SORCS1: variants seen among roughly 807,000 people sequenced by gnomAD.
SORCS1 encodes the protein sortilin related VPS10 domain containing receptor 1, also known as VPS10 domain-containing receptor SorCS1.
In SORCS1, 60 loss-of-function variants were observed where a neutral mutation model predicts 146.1. The observed-to-expected ratio is 0.41, with a 90% CI of 0.33 to 0.51. SORCS1 has a LOEUF of 0.51. Among genes scored for constraint, SORCS1 ranks in the 20% least tolerant of loss-of-function variants. The pLI, the probability that SORCS1 is intolerant of heterozygous loss-of-function variation, is 0.21. For synonymous variants in SORCS1, 637 were observed against 584.0 expected, an observed-to-expected ratio of 1.09 and a Z score of -1.31; for missense variants, 1,352 against 1,487.6, an observed-to-expected ratio of 0.91 and a Z score of 1.50.
At chr10:106,764,980 G>A (rs572354812) in intron 4 of SORCS1, among the ~76,000 whole-genome samples, 21 of 136,232 alleles carry the variant, frequency 1.5e-4, no homozygotes, top group Admixed American at 2.5e-4. Flanking sequence ...CCGAGATCGC[G>A]CCACTGCACT....
At chr10:106,935,862 T>C (rs931103840) in intron 2 of SORCS1, among the ~76,000 whole-genome samples, 2 of 152,226 alleles carry the variant, frequency 1.3e-5, no homozygotes, top group Non-Finnish European at 2.9e-5. Context: ...TTGATTGTCT[T>C]TGCAAAAGTT....
intron 1 of SORCS1, among the ~76,000 whole-genome samples, chr10:107,093,598 G>A (rs534681709): frequency 3.3e-5 from 5 of 151,956 alleles, no homozygotes; most frequent in East Asian, 1.9e-4. Flanking sequence ...GCTTGAACCC[G>A]GGACAAGGAG....
intron 18 of SORCS1, among the ~76,000 whole-genome samples, chr10:106,647,623 T>G (rs1849546215): frequency 6.6e-6 from 1 of 152,226 alleles, no homozygotes; most frequent in Admixed American, 6.5e-5. Context: ...GAACAGTTTT[T>G]CAATGGTATT....
intron 23 of SORCS1, among the ~76,000 whole-genome samples, chr10:106,601,079 T>C (rs1846212519): frequency 6.6e-6 from 1 of 152,104 alleles, no homozygotes; most frequent in Non-Finnish European, 1.5e-5. Flanking sequence ...AATTGGGTAA[T>C]GTTTGGGAGA....
chr10:106,750,728 CAAAAAAAAAAAAAAAAA>C (rs572295853), intron 5 of SORCS1, among the ~76,000 whole-genome samples: 543 of 24,048 alleles, frequency 0.023, 6 homozygotes, highest in African/African-American at 0.078. Flanking sequence ...GACTCCCTCT[CAAAAAAAAAAAAAAAAA>C]AAAAAAAAAA....
intron 3 of SORCS1, among the ~76,000 whole-genome samples, chr10:106,798,098 C>T (rs1946668253): frequency 6.6e-6 from 1 of 152,082 alleles, no homozygotes; most frequent in Non-Finnish European, 1.5e-5. Flanking sequence ...CTTCTCCATG[C>T]TGTTCTTGTG....
At chr10:106,682,695 C>A (rs1441394892) in intron 10 of SORCS1, among the ~76,000 whole-genome samples, 1 of 152,216 alleles carries the variant, frequency 6.6e-6, no homozygotes, top group Non-Finnish European at 1.5e-5. Context: ...CTCTTCATTT[C>A]TCTTGTCTTC....
intron 4 of SORCS1, among the ~76,000 whole-genome samples, chr10:106,769,841 T>C (rs375509878): frequency 1.3e-5 from 2 of 152,276 alleles, no homozygotes; most frequent in African/African-American, 4.8e-5. Flanking sequence ...ACGCCTGTAA[T>C]CCCAGCACTT....
intron 2 of SORCS1, among the ~76,000 whole-genome samples, chr10:106,854,430 T>C (rs1423446972): frequency 1.3e-5 from 2 of 152,010 alleles, no homozygotes; most frequent in East Asian, 3.9e-4. Context: ...AATTGGTATA[T>C]TTAGGCCACT....
At chr10:106,878,646 A>ATATATATATTTATT (rs1200849744) in intron 2 of SORCS1, among the ~76,000 whole-genome samples, 5 of 117,886 alleles carry the variant, frequency 4.2e-5, no homozygotes, top group East Asian at 2.4e-4. Flanking sequence ...ATATATATAT[A>ATATATATATTTATT]TATTTTATAG....
At chr10:107,079,225 C>CAAA (rs796448763) in intron 1 of SORCS1, among the ~76,000 whole-genome samples, 1 of 104,846 alleles carries the variant, frequency 9.5e-6, no homozygotes, top group Non-Finnish European at 2.0e-5. Context: ...GACTCTGTCT[C>CAAA]AAAAAAAAAA....
At chr10:107,008,312 A>G (rs867198046) in intron 1 of SORCS1, among the ~76,000 whole-genome samples, 1 of 152,216 alleles carries the variant, frequency 6.6e-6, no homozygotes, top group Non-Finnish European at 1.5e-5. Flanking sequence ...CAATTATGCA[A>G]AGCAGTGTTC....
chr10:106,857,963 A>C (rs2137382346), intron 2 of SORCS1, among the ~76,000 whole-genome samples: 1 of 152,324 alleles, frequency 6.6e-6, no homozygotes, highest in Non-Finnish European at 1.5e-5. Flanking sequence ...TGTCAGCCTA[A>C]ACATATAATT....
At chr10:107,099,357 C>T (rs1465252570) in intron 1 of SORCS1, among the ~76,000 whole-genome samples, 1 of 152,172 alleles carries the variant, frequency 6.6e-6, no homozygotes, top group Non-Finnish European at 1.5e-5. Flanking sequence ...ACATGTCCAT[C>T]TCTTAATATG....
intron 2 of SORCS1, among the ~76,000 whole-genome samples, chr10:106,849,972 ACCACTGCTGTC>A (rs1716093862): frequency 1.3e-5 from 2 of 152,230 alleles, no homozygotes; most frequent in South Asian, 4.2e-4. Flanking sequence ...TGCTGGAAGA[ACCACTGCTGTC>A]TTCAAAGCTG....
chr10:107,051,659 GT>G (rs1960136111), intron 1 of SORCS1, among the ~76,000 whole-genome samples: 1 of 152,132 alleles, frequency 6.6e-6, no homozygotes, highest in African/African-American at 2.4e-5. Context: ...ATGATTTTTA[GT>G]GTTATGATGC....
At chr10:106,938,169 T>C (rs957553869) in intron 2 of SORCS1, among the ~76,000 whole-genome samples, 3 of 151,880 alleles carry the variant, frequency 2.0e-5, no homozygotes, top group African/African-American at 7.3e-5. Context: ...GTCAAATCAA[T>C]GAAGAAAGCA....
intron 2 of SORCS1, among the ~76,000 whole-genome samples, chr10:106,880,914 C>T (rs1451279633): frequency 6.6e-6 from 1 of 151,688 alleles, no homozygotes; most frequent in Admixed American, 6.6e-5. Flanking sequence ...TGGTGAAACC[C>T]CATCTCTACT....
At chr10:106,748,510 A>G (rs1161947220) in intron 5 of SORCS1, among the ~76,000 whole-genome samples, 6 of 152,084 alleles carry the variant, frequency 3.9e-5, no homozygotes, top group Non-Finnish European at 7.4e-5. Context: ...AGGCCTCCCT[A>G]TTCCCCGAGA....
Sources: allele counts gnomAD v4.1 joint callset (sites outside exome capture counted in the v4.1 genomes callset), GRCh38; gene constraint gnomAD v4.1.1; transcripts MANE v1.5; gene names NCBI Gene and HGNC (gene_info 2026-07-23, HGNC 2026-07-21).